Variants in FRMD4A observed in about 807,000 individuals in gnomAD.
The protein encoded by FRMD4A is FERM domain-containing protein 4A.
FRMD4A carries 29 observed loss-of-function variants against 129.1 expected under a neutral mutation model. The ratio of observed to expected loss-of-function variants is 0.22; its 90% CI spans 0.17 to 0.31. FRMD4A has a LOEUF of 0.31. Among genes scored for constraint, FRMD4A ranks in the 10% least tolerant of loss-of-function variants. The probability of loss-of-function intolerance (pLI) is 1.00; values close to 1 mark genes in which losing one functional copy is unlikely to be tolerated. For missense variants in FRMD4A, 1,272 were observed against 1,375.8 expected (o/e 0.92, Z 1.19); for synonymous variants, 634 against 571.6 (o/e 1.11, Z -1.56).
intron 21 of FRMD4A, 54 bp from the exon 22 acceptor site, chr10:13,657,576 G>A (rs2082275612): frequency 6.8e-7 from 1 of 1,477,042 alleles, no homozygotes; most frequent in Non-Finnish European, 9.0e-7. Context: ...CCCAAGGAGG[G>A]GTGCTCCGGG....
chr10:13,933,321 C>T (rs184061425), intron 2 of FRMD4A, among the ~76,000 whole-genome samples: 2 of 152,298 alleles, frequency 1.3e-5, no homozygotes, highest in Admixed American at 1.3e-4. Context: ...ATAGGGCATA[C>T]ACCAAGTAAC....
chr10:13,885,887 C>T (rs1442950452), intron 2 of FRMD4A, among the ~76,000 whole-genome samples: 2 of 152,166 alleles, frequency 1.3e-5, no homozygotes, highest in African/African-American at 4.8e-5. Context: ...ACTTCATGTC[C>T]TCATCACCCT....
intron 2 of FRMD4A, among the ~76,000 whole-genome samples, chr10:14,092,255 A>G (rs1049174883): frequency 1.3e-5 from 2 of 152,204 alleles, no homozygotes; most frequent in Admixed American, 6.5e-5. Context: ...GTAAATACTC[A>G]GCACTCGGGT....
chr10:13,931,275 A>T (rs1342916227), intron 2 of FRMD4A, among the ~76,000 whole-genome samples: 1 of 152,216 alleles, frequency 6.6e-6, no homozygotes, highest in Non-Finnish European at 1.5e-5. Context: ...GCCAAGGCAG[A>T]ACCAGAATCC....
chr10:14,283,063 G>A (rs757811085), intron 2 of FRMD4A, among the ~76,000 whole-genome samples: 5 of 152,242 alleles, frequency 3.3e-5, no homozygotes, highest in Non-Finnish European at 7.3e-5. Flanking sequence ...GTCTTCAAGG[G>A]AGGTCAGTGT....
At chr10:14,299,439 G>A (rs548552309) in intron 2 of FRMD4A, among the ~76,000 whole-genome samples, 1 of 152,148 alleles carries the variant, frequency 6.6e-6, no homozygotes, top group Non-Finnish European at 1.5e-5. Context: ...ACCTGCTATA[G>A]CCTGGTACTT....
At chr10:14,236,546 A>T (rs1589212718) in intron 2 of FRMD4A, among the ~76,000 whole-genome samples, 1 of 152,132 alleles carries the variant, frequency 6.6e-6, no homozygotes, top group Admixed American at 6.5e-5. Flanking sequence ...GCGGATCACC[A>T]CCTGCCCTGC....
At chr10:13,981,563 AC>A (rs1185600785) in intron 2 of FRMD4A, among the ~76,000 whole-genome samples, 2 of 150,918 alleles carry the variant, frequency 1.3e-5, no homozygotes, top group Non-Finnish European at 3.0e-5. Context: ...ACGTGGTGAA[AC>A]CCCGCCTCTA....
intron 2 of FRMD4A, among the ~76,000 whole-genome samples, chr10:13,924,924 C>T (rs985740134): frequency 2.9e-4 from 44 of 151,792 alleles, no homozygotes; most frequent in African/African-American, 1.0e-3. Context: ...ATTAGCTAGG[C>T]GTGGTGGCGG....
At chr10:14,327,603 T>C (rs1843328181) in intron 2 of FRMD4A, among the ~76,000 whole-genome samples, 1 of 152,230 alleles carries the variant, frequency 6.6e-6, no homozygotes, top group Non-Finnish European at 1.5e-5. Flanking sequence ...CAATTAAACA[T>C]GCTCTGCCCT....
At chr10:14,143,714 A>G (rs1036900798) in intron 2 of FRMD4A, among the ~76,000 whole-genome samples, 4 of 152,124 alleles carry the variant, frequency 2.6e-5, no homozygotes, top group African/African-American at 9.7e-5. Flanking sequence ...TCGCTGGTTC[A>G]GGCAATTCTC....
At chr10:13,757,324 C>T (rs1158248454) in intron 8 of FRMD4A, among the ~76,000 whole-genome samples, 1 of 152,204 alleles carries the variant, frequency 6.6e-6, no homozygotes, top group African/African-American at 2.4e-5. Flanking sequence ...TTACTACATG[C>T]TGTGCTAAGG....
In FRMD4A at chr10:13,808,199, G is replaced by C. The variant is rs192470340; in HGVS notation, c.206+2615C>G. On this transcript the variant is annotated intron_variant, in intron 4 of 24. Coordinates refer to ENST00000357447, the MANE Select transcript of FRMD4A (RefSeq NM_018027.5). ...GTTTATAAGTGCTTTCCACGTGATA[G>C]CCTTGTTTTATTTGCATTAGGAAAT... 2.1e-3 allele frequency among the ~76,000 whole-genome samples: 325 copies of C among 152,252 alleles called. 2 individuals carry two copies. Among genetic ancestry groups the C allele is most frequent in the African/African-American group, 7.5e-3 (313 of 41,538 alleles).
At chr10:14,301,552 TTC>T (rs2132090514) in intron 2 of FRMD4A, among the ~76,000 whole-genome samples, 1 of 152,354 alleles carries the variant, frequency 6.6e-6, no homozygotes, top group Non-Finnish European at 1.5e-5. Flanking sequence ...CCCAAACTCA[TTC>T]TCTTTTATTC....
intron 2 of FRMD4A, among the ~76,000 whole-genome samples, chr10:13,974,486 A>G (rs1018360970): frequency 6.6e-6 from 1 of 152,136 alleles, no homozygotes; most frequent in Non-Finnish European, 1.5e-5. Context: ...CTGGTCCTGT[A>G]TCTTCAATCA....
intron 14 of FRMD4A, among the ~76,000 whole-genome samples, chr10:13,699,237 T>TTTTTTTTTTTTTTTTTG (rs2086565569): frequency 1.1e-5 from 1 of 92,230 alleles, no homozygotes; most frequent in African/African-American, 3.7e-5. Context: ...TTTTTTTTTT[T>TTTTTTTTTTTTTTTTTG]TTTTTTTTTT....
At chr10:13,785,214 A>C (rs1415474482) in intron 5 of FRMD4A, among the ~76,000 whole-genome samples, 2 of 152,330 alleles carry the variant, frequency 1.3e-5, no homozygotes, top group South Asian at 2.1e-4. Flanking sequence ...GTTTTTTTGA[A>C]ATTGGTGAGT....
chr10:13,711,312 C>G (rs1298124875), intron 12 of FRMD4A, among the ~76,000 whole-genome samples: 1 of 152,242 alleles, frequency 6.6e-6, no homozygotes, highest in Non-Finnish European at 1.5e-5. Context: ...AGAGCAAACA[C>G]AACAATCAAA....
chr10:13,819,624 C>A (rs1408565126), intron 3 of FRMD4A, among the ~76,000 whole-genome samples: 1 of 152,080 alleles, frequency 6.6e-6, no homozygotes, highest in Non-Finnish European at 1.5e-5. Flanking sequence ...TGAGTATTAC[C>A]TTTCATCACA....
Sources: allele counts gnomAD v4.1 joint callset (sites outside exome capture counted in the v4.1 genomes callset), GRCh38; gene constraint gnomAD v4.1.1; transcripts MANE v1.5; gene names NCBI Gene and HGNC (gene_info 2026-07-23, HGNC 2026-07-21).